The following GRM3 variants were observed in gnomAD, a reference collection of about 807,000 sequenced individuals.
GRM3 encodes the protein metabotropic glutamate receptor 3.
GRM3 carries 26 observed loss-of-function variants against 70.5 expected under a neutral mutation model. The observed-to-expected ratio is 0.37, with a 90% CI of 0.27 to 0.51. The LOEUF is 0.51. Ranked by LOEUF, GRM3 falls within the 20% of genes least tolerant of loss-of-function variation. The probability of loss-of-function intolerance (pLI) is 0.93; values close to 1 mark genes in which losing one functional copy is unlikely to be tolerated. For synonymous variants in GRM3, 443 were observed against 434.9 expected (o/e 1.02, Z -0.23); for missense variants, 859 against 1,123.8 (o/e 0.76, Z 3.37).
intron 1 of GRM3, among the ~76,000 whole-genome samples, chr7:86,739,151 A>G (rs1383351827): frequency 6.6e-6 from 1 of 152,044 alleles, no homozygotes; most frequent in Non-Finnish European, 1.5e-5. Context: ...TAAGTTTTCT[A>G]TTTTTAGTAG....
At chr7:86,821,109 T>G (rs1332644318) in intron 3 of GRM3, among the ~76,000 whole-genome samples, 6 of 152,058 alleles carry the variant, frequency 3.9e-5, no homozygotes, top group Non-Finnish European at 8.8e-5. Context: ...ACAAATGACT[T>G]GCAAAAGTTA....
intron 1 of GRM3, among the ~76,000 whole-genome samples, chr7:86,671,753 A>G (rs1254814118): frequency 6.6e-6 from 1 of 152,178 alleles, no homozygotes; most frequent in Non-Finnish European, 1.5e-5. Flanking sequence ...CTCTCAGATA[A>G]TTAGTCCTGC....
intron 1 of GRM3, among the ~76,000 whole-genome samples, chr7:86,665,836 T>C (rs1402554735): frequency 6.6e-6 from 1 of 152,042 alleles, no homozygotes; most frequent in Non-Finnish European, 1.5e-5. Flanking sequence ...ACTGCAGTGA[T>C]TATGAAACTA....
chr7:86,682,805 A>C (rs1210017827), intron 1 of GRM3, among the ~76,000 whole-genome samples: 1 of 152,200 alleles, frequency 6.6e-6, no homozygotes, highest in Non-Finnish European at 1.5e-5. Flanking sequence ...ATAGAAAGCA[A>C]GATTTCTTTT....
chr7:86,694,511 C>CAAAAAAAAAAAA (rs1226119828), intron 1 of GRM3, among the ~76,000 whole-genome samples: 3 of 37,712 alleles, frequency 8.0e-5, no homozygotes, highest in African/African-American at 1.9e-4. Context: ...GACTCTGTCT[C>CAAAAAAAAAAAA]AAAAAAAAAA....
At position 86,864,494 on chromosome 7, in the gene GRM3, G is replaced by T; in HGVS notation, c.*139G>T. The T allele has an allele frequency of 1.4e-6, 1 of 698,794 alleles. No individual in the cohort carries two copies. The highest frequency in any genetic ancestry group is 1.6e-5 in the South Asian group (1 of 63,116). The allele number at this position is 698,794 out of a possible 1,614,324, so 43.3% of individuals were successfully genotyped here. Reference sequence around the variant, plus strand: ...AACAGTACGATAAATTATTTTTGAGGACTGTATATAGTGATGTGCTAGAAC... The same window carrying T: ...AACAGTACGATAAATTATTTTTGAGTACTGTATATAGTGATGTGCTAGAAC... On this transcript the variant is annotated 3_prime_UTR_variant, in exon 6 of 6. Transcript: ENST00000361669.
At chr7:86,697,214 C>T (rs921041554) in intron 1 of GRM3, among the ~76,000 whole-genome samples, 1 of 151,108 alleles carries the variant, frequency 6.6e-6, no homozygotes, top group Non-Finnish European at 1.5e-5. Flanking sequence ...TCCTAACACA[C>T]AGGGGCTTTG....
chr7:86,745,392 C>T (rs143881291), intron 1 of GRM3, among the ~76,000 whole-genome samples: 2 of 152,146 alleles, frequency 1.3e-5, no homozygotes, highest in African/African-American at 2.4e-5. Flanking sequence ...TTTAGAATAC[C>T]ACCCTCCAAA....
At chr7:86,719,784 A>G (rs1795411825) in intron 1 of GRM3, among the ~76,000 whole-genome samples, 1 of 152,030 alleles carries the variant, frequency 6.6e-6, no homozygotes, top group South Asian at 2.1e-4. Context: ...AGACTGGGAA[A>G]TCATAGAGGA....
At chr7:86,708,117 T>G (rs1238858176) in intron 1 of GRM3, among the ~76,000 whole-genome samples, 1 of 152,156 alleles carries the variant, frequency 6.6e-6, no homozygotes, top group Non-Finnish European at 1.5e-5. Context: ...ACACTCTTAA[T>G]TAACTATGGC....
chr7:86,825,287 C>T (rs1798209660), intron 3 of GRM3, among the ~76,000 whole-genome samples: 1 of 152,246 alleles, frequency 6.6e-6, no homozygotes, highest in South Asian at 2.1e-4. Flanking sequence ...ATCATAACTT[C>T]TTAAATTTTA....
At position 86,839,682 on chromosome 7, in the gene GRM3, G is replaced by T. The variant is rs1294076381; in HGVS notation, c.2168G>T (p.Arg723Leu). ...AGGAGGTATACCCTTGCAGAGAAGC[G>T]GGAAACAGTCATCCTAAAATGCAAT... The part of the protein sequence containing the change: ...GTRRYTLAEK[R>L]ETVILKCNVK... The change falls in exon 4 of 6, where the codon CGG becomes CTG. Residue 723 changes from arginine to leucine, a missense_variant. Transcript: ENST00000361669. This position sits in a 1 kb window ranked among gnomAD's most constrained non-coding sequence, Gnocchi z 4.5. 1.2e-6 allele frequency: 2 copies of T among 1,613,890 alleles called. No individual in the cohort carries two copies. Among genetic ancestry groups the T allele is most frequent in the Non-Finnish European group, 1.7e-6 (2 of 1,179,874 alleles).
chr7:86,694,291 C>T (rs764044614), intron 1 of GRM3, among the ~76,000 whole-genome samples: 1 of 151,590 alleles, frequency 6.6e-6, no homozygotes, highest in Non-Finnish European at 1.5e-5. Flanking sequence ...TTTGGGAGGC[C>T]GAGGCGGGCA....
intron 1 of GRM3, among the ~76,000 whole-genome samples, chr7:86,678,401 C>A (rs60582606): frequency 1.3e-5 from 2 of 151,910 alleles, no homozygotes; most frequent in Non-Finnish European, 2.9e-5. Flanking sequence ...AATAGGCTAA[C>A]CCCCATTCCT....
chr7:86,854,131 G>T (rs780422953), intron 5 of GRM3, among the ~76,000 whole-genome samples: 1 of 151,990 alleles, frequency 6.6e-6, no homozygotes, highest in African/African-American at 2.4e-5. Context: ...TTTCCAAATC[G>T]CCAATTAATC....
chr7:86,800,651 C>A (rs1437766140), intron 3 of GRM3, among the ~76,000 whole-genome samples: 3 of 152,116 alleles, frequency 2.0e-5, no homozygotes, highest in Non-Finnish European at 4.4e-5. Flanking sequence ...TAATAAACAG[C>A]CTACCCACTA....
chr7:86,674,110 A>C (rs372903811), intron 1 of GRM3, among the ~76,000 whole-genome samples: 2 of 152,124 alleles, frequency 1.3e-5, no homozygotes, highest in East Asian at 3.9e-4. Context: ...ATGGTTTCTA[A>C]TGATCAGGAA....
chr7:86,716,682 G>GT (rs1273763616), intron 1 of GRM3, among the ~76,000 whole-genome samples: 4 of 92,120 alleles, frequency 4.3e-5, no homozygotes, highest in Admixed American at 1.2e-4. Context: ...CCAGTTATAT[G>GT]CAAAAAAAAA....
At chr7:86,764,220 G>A (rs2237558) in intron 1 of GRM3, among the ~76,000 whole-genome samples, 60,949 of 151,810 alleles carry the variant, frequency 0.4, 15,289 homozygotes, top group African/African-American at 0.72. Flanking sequence ...TTGGCCCAGG[G>A]AGAGGTAGTG....
Sources: gnomAD v4.1 joint callset for allele counts (sites outside exome capture counted in the v4.1 genomes callset) on GRCh38, gnomAD v4.1.1 for gene constraint, Gnocchi (gnomAD v3.1) non-coding constraint, MANE v1.5 for transcripts, NCBI Gene and HGNC (gene_info 2026-07-23, HGNC 2026-07-21) for gene names.